The following CD99 variants were observed in gnomAD, a reference collection of about 807,000 sequenced individuals.
The protein encoded by CD99 is CD99 antigen.
In CD99, 19 loss-of-function variants were observed where a neutral mutation model predicts 28.4. The ratio of observed to expected loss-of-function variants is 0.67; its 90% CI spans 0.47 to 0.98. CD99 has a LOEUF of 0.98. Among genes scored for constraint, CD99 ranks in the 50% least tolerant of loss-of-function variants. The pLI, the probability that CD99 is intolerant of heterozygous loss-of-function variation, is 0.00. For missense variants in CD99, 283 were observed against 248.8 expected (o/e 1.14, Z -0.92); for synonymous variants, 103 against 92.1 (o/e 1.12, Z -0.67).
chrX:2,716,693 C>G (rs1233290494), intron 2 of CD99, among the ~76,000 whole-genome samples: 1 of 152,190 alleles, frequency 6.6e-6, no homozygotes, highest in East Asian at 1.9e-4. Flanking sequence ...TCCTGTGGTG[C>G]AGTGCAGATG....
chrX:2,736,499 GACA>G (rs1277251408), intron 8 of CD99, among the ~76,000 whole-genome samples: 5 of 152,038 alleles, frequency 3.3e-5, no homozygotes, highest in Non-Finnish European at 5.9e-5. Flanking sequence ...AAGCGACACC[GACA>G]ACATTTGGGG....
rs1443520026 is a variant in CD99, at chrX:2,699,488, A to T, written c.67+8061A>T. Among the ~76,000 whole-genome samples the T allele has an allele frequency of 8.0e-3, 758 of 95,130 alleles. 3 individuals carry two copies. The highest frequency in any genetic ancestry group is 0.032 in the African/African-American group (637 of 20,190). The allele number at this position is 95,130 out of a possible 152,430, so 62.4% of individuals were successfully genotyped here. On this transcript the variant is annotated intron_variant, in intron 1 of 9. Transcript: ENST00000381192. The stretch of plus-strand genomic sequence containing the variant: ...CAGCCTTTTTTTTTTTTTTTTTTTT[A>T]AATTACAGAGTCTCACTCTGTCACC...
chrX:2,731,126 C>T (rs1022986467), intron 8 of CD99, among the ~76,000 whole-genome samples: 25 of 152,046 alleles, frequency 1.6e-4, no homozygotes, highest in Admixed American at 1.3e-4. Flanking sequence ...GATGTTGGAT[C>T]GAGTTATCCG....
chrX:2,723,474 C>A, intron 7 of CD99, 110 bp downstream of exon 7: 1 of 1,256,710 alleles, frequency 8.0e-7, no homozygotes, highest in Non-Finnish European at 1.2e-6. Flanking sequence ...CCTAAAGCTA[C>A]TGGCAGGAGG....
rs758961121 is a variant in CD99 at position 2,710,774 on chromosome X, G to A, written c.68-3648G>A. 1.4e-3 allele frequency among the ~76,000 whole-genome samples: 214 copies of A among 151,978 alleles called. 1 individual carries two copies. Among genetic ancestry groups the A allele is most frequent in the African/African-American group, 4.9e-3 (204 of 41,436 alleles). On this transcript the variant is annotated intron_variant, in intron 1 of 9. Coordinates refer to ENST00000381192, the MANE Select transcript of CD99 (RefSeq NM_002414.5). ...CCTTCAAGGAAGCACTGTCATTTCCGGGGAAGAGAGTTTTGAGGAAATTGA... is the reference window on the plus strand; with the variant it reads ...CCTTCAAGGAAGCACTGTCATTTCCAGGGAAGAGAGTTTTGAGGAAATTGA...
intron 1 of CD99, among the ~76,000 whole-genome samples, chrX:2,696,476 C>T (rs1344691917): frequency 2.0e-5 from 3 of 152,194 alleles, no homozygotes; most frequent in Admixed American, 2.0e-4. Context: ...TCTCGGCTCA[C>T]TGCAACCTCT....
At chrX:2,722,100 C>T in intron 5 of CD99, among the ~76,000 whole-genome samples, 1 of 151,772 alleles carries the variant, frequency 6.6e-6, no homozygotes, top group South Asian at 2.1e-4. Flanking sequence ...TATCAACTTT[C>T]TCCTGGTTTC....
At chrX:2,712,981 CACAA>C (rs1400239665) in intron 1 of CD99, among the ~76,000 whole-genome samples, 11 of 151,182 alleles carry the variant, frequency 7.3e-5, no homozygotes, top group Non-Finnish European at 1.6e-4. Context: ...CACATACACA[CACAA>C]ACCCACAAAT....
At chrX:2,730,992 A>C (rs780870293) in intron 8 of CD99, among the ~76,000 whole-genome samples, 99 of 151,798 alleles carry the variant, frequency 6.5e-4, no homozygotes, top group Middle Eastern at 3.4e-3. Flanking sequence ...AAATACCAAG[A>C]CCCTACCTCA....
chrX:2,722,683 ATCT>A lies in CD99; in HGVS notation c.310+11_310+13del. 6.2e-7 allele frequency: 1 copy of A among 1,613,800 alleles called. No homozygotes were observed. The highest frequency in any genetic ancestry group is 8.5e-7 in the Non-Finnish European group (1 of 1,179,746). The stretch of plus-strand genomic sequence containing the variant: ...CGTTTCAGGTGGAGAAGGTACAGTT[ATCT>A]TGTTTTCTGTCTCTTTTCTCTCTCC... On this transcript the variant is annotated intron_variant, in intron 6 of 9. Coordinates refer to ENST00000381192, the MANE Select transcript of CD99 (RefSeq NM_002414.5).
intron 7 of CD99, 42 bp downstream of exon 7, chrX:2,723,406 G>T (rs762627260): frequency 1.2e-6 from 2 of 1,605,534 alleles, no homozygotes; most frequent in East Asian, 2.2e-5. Flanking sequence ...CTCCCACGTG[G>T]TGTTGAGAAG....
At chrX:2,740,006 C>T (rs1200995223) in intron 9 of CD99, among the ~76,000 whole-genome samples, 1 of 150,564 alleles carries the variant, frequency 6.6e-6, no homozygotes, top group Non-Finnish European at 1.5e-5. Flanking sequence ...GCAGGAGAAT[C>T]GCTTGAACCC....
At chrX:2,711,411 AT>A (rs200377471) in intron 1 of CD99, among the ~76,000 whole-genome samples, 37,111 of 144,828 alleles carry the variant, frequency 0.26, 4,811 homozygotes, top group African/African-American at 0.34. Context: ...ATGTGTGTGT[AT>A]TATATATATA....
chrX:2,726,183 C>A, intron 7 of CD99, 77 bp from the exon 8 acceptor site: 6 of 840,960 alleles, frequency 7.1e-6, no homozygotes, highest in Non-Finnish European at 1.2e-5. Flanking sequence ...CTGACTGTCT[C>A]TGCCAGCCAC....
chrX:2,719,575 T>A (rs2048897961), intron 3 of CD99, 86 bp from the exon 4 acceptor site: 3 of 1,023,642 alleles, frequency 2.9e-6, no homozygotes, highest in Non-Finnish European at 4.7e-6. Flanking sequence ...TGTGGGGCCG[T>A]GGTGTGTTTT....
At chrX:2,717,991 G>T in intron 3 of CD99, 2 of 282,694 alleles carry the variant, frequency 7.1e-6, no homozygotes, top group Non-Finnish European at 6.6e-6. Context: ...TCCCAGGCTG[G>T]AGTGCAGTGG....
At chrX:2,701,529 T>C (rs1323766733) in intron 1 of CD99, among the ~76,000 whole-genome samples, 4 of 152,224 alleles carry the variant, frequency 2.6e-5, no homozygotes, top group Admixed American at 2.0e-4. Context: ...GGGCCCTCCC[T>C]GGACACTGAG....
intron 1 of CD99, among the ~76,000 whole-genome samples, chrX:2,692,405 A>G (rs1223867465): frequency 2.6e-5 from 4 of 152,072 alleles, no homozygotes; most frequent in African/African-American, 9.7e-5. Flanking sequence ...CCTGGGGAGG[A>G]CGGAGGAGGC....
At chrX:2,701,329 T>G (rs1457737649) in intron 1 of CD99, among the ~76,000 whole-genome samples, 1 of 151,842 alleles carries the variant, frequency 6.6e-6, no homozygotes, top group Non-Finnish European at 1.5e-5. Context: ...TCAGCCAGCA[T>G]AGGTTGAAGT....
Sources: gnomAD v4.1 joint callset for allele counts (sites outside exome capture counted in the v4.1 genomes callset) on GRCh38, gnomAD v4.1.1 for gene constraint, MANE v1.5 for transcripts, NCBI Gene and HGNC (gene_info 2026-07-23, HGNC 2026-07-21) for gene names.